Variants in APBB2 observed in about 807,000 individuals in gnomAD.
APBB2 encodes the protein Fe65-like 1.
Under a neutral mutation model 82.5 loss-of-function variants are expected in APBB2, and 38 were observed. The observed-to-expected ratio is 0.46, with a 90% CI of 0.36 to 0.60. The LOEUF is 0.60. Among genes scored for constraint, APBB2 ranks in the 20% least tolerant of loss-of-function variants. The probability of loss-of-function intolerance (pLI) is 0.00; values close to 1 mark genes in which losing one functional copy is unlikely to be tolerated. For missense variants in APBB2, 772 were observed against 972.3 expected (o/e 0.79, Z 2.74); for synonymous variants, 341 against 368.2 (o/e 0.93, Z 0.85).
At chr4:41,083,261 T>C (rs1462996353) in intron 3 of APBB2, among the ~76,000 whole-genome samples, 4 of 152,128 alleles carry the variant, frequency 2.6e-5, no homozygotes, top group African/African-American at 9.7e-5. Flanking sequence ...GTAGTATGTA[T>C]GCTATAGCTA....
chr4:41,069,571 A>C (rs1456064870), intron 3 of APBB2, among the ~76,000 whole-genome samples: 1 of 152,230 alleles, frequency 6.6e-6, no homozygotes, highest in Non-Finnish European at 1.5e-5. Context: ...TGCTATCTGC[A>C]CTGAAGTCAG....
intron 10 of APBB2, among the ~76,000 whole-genome samples, chr4:40,909,575 A>AT (rs1380298815): frequency 1.3e-5 from 2 of 152,174 alleles, no homozygotes; most frequent in Non-Finnish European, 2.9e-5. Context: ...TATGAGTCCT[A>AT]TTTTTATCAA....
At chr4:41,058,609 G>C (rs1234767799) in intron 4 of APBB2, among the ~76,000 whole-genome samples, 2 of 152,174 alleles carry the variant, frequency 1.3e-5, no homozygotes, top group African/African-American at 4.8e-5. Context: ...GGTAGCCACG[G>C]ATAAGACTAT....
chr4:40,914,574 A>G (rs1480077209), intron 10 of APBB2, among the ~76,000 whole-genome samples: 1 of 152,158 alleles, frequency 6.6e-6, no homozygotes, highest in Admixed American at 6.5e-5. Flanking sequence ...ACATAGGTAG[A>G]TAGACAGACA....
Position 40,826,097 on chromosome 4 carries a change from G to T in APBB2, c.1733-127C>A. ...GCCATAACGCCCTATGTTTCTGGAT[G>T]TAAATGTAACAACTATTCTACAAGA... is the stretch of plus-strand genomic sequence containing the variant. On this transcript the variant is annotated intron_variant, in intron 14 of 17. Coordinates refer to ENST00000508593, the MANE Select transcript of APBB2 (RefSeq NM_004307.2). The surrounding 1 kb of genome is among the most constrained non-coding windows in gnomAD (Gnocchi z 4.5). The T allele has an allele frequency of 1.4e-6, 1 of 723,796 alleles. No homozygotes were observed. Among genetic ancestry groups the T allele is most frequent in the South Asian group, 1.6e-5 (1 of 64,448 alleles). The allele number at this position is 723,796 out of a possible 1,614,324, so 44.8% of individuals were successfully genotyped here.
intron 12 of APBB2, among the ~76,000 whole-genome samples, chr4:40,889,763 G>A (rs6837256): frequency 0.035 from 5,361 of 152,198 alleles, 312 homozygotes; most frequent in African/African-American, 0.12. Flanking sequence ...CATCTAAGAT[G>A]CATTTCTTAT....
chr4:40,994,887 A>G (rs1803204552), intron 6 of APBB2, among the ~76,000 whole-genome samples: 1 of 151,466 alleles, frequency 6.6e-6, no homozygotes, highest in Non-Finnish European at 1.5e-5. Context: ...GGAGGGAAGG[A>G]GGGAAAGAAA....
chr4:41,214,272 G>A lies in APBB2; in HGVS notation c.-417+133C>T, dbSNP rs2154085069. 2.0e-5 allele frequency: 3 copies of A among 152,350 alleles called. No individual in the cohort carries two copies. In the East Asian group the frequency reaches 5.8e-4, roughly 30 times the overall value. 9.4% of individuals were successfully genotyped at this position (152,350 alleles called of 1,614,324 possible). On this transcript the variant is annotated intron_variant, in intron 1 of 17. Transcript: ENST00000508593. ...CAGTGGCCGCGGAGCCCCGGGGCCGGGAGCAGAGGAGAAGCCGCCGGGGGA... is the reference window on the plus strand; with the variant it reads ...CAGTGGCCGCGGAGCCCCGGGGCCGAGAGCAGAGGAGAAGCCGCCGGGGGA...
intron 1 of APBB2, among the ~76,000 whole-genome samples, chr4:41,188,451 G>C (rs1580723297): frequency 6.6e-6 from 1 of 152,192 alleles, no homozygotes; most frequent in East Asian, 1.9e-4. Context: ...AGATCACGAG[G>C]GTACAGCCCT....
chr4:40,992,650 T>A (rs371777181), intron 6 of APBB2, among the ~76,000 whole-genome samples: 85 of 152,108 alleles, frequency 5.6e-4, no homozygotes, highest in African/African-American at 1.9e-3. Context: ...AATGACTGGA[T>A]GGAAACGCTG....
At position 40,940,084 on chromosome 4, in the gene APBB2, C is replaced by T. The variant is rs570026524; in HGVS notation, c.1044+4781G>A. On this transcript the variant is annotated intron_variant, in intron 7 of 17. Transcript: ENST00000508593. ...TTAATGAATGTCGTCATGTACTGGG[C>T]CCTGTGCACAGGATGAGGAGAACAG... 8.4e-4 allele frequency among the ~76,000 whole-genome samples: 128 copies of T among 151,998 alleles called. 1 individual carries two copies. The highest frequency in any genetic ancestry group is 1.1e-3 in the Non-Finnish European group (72 of 67,922).
At chr4:40,948,400 G>A (rs569220136) in intron 6 of APBB2, among the ~76,000 whole-genome samples, 22 of 152,066 alleles carry the variant, frequency 1.4e-4, no homozygotes, top group Non-Finnish European at 2.8e-4. Context: ...GCGAGGCCCC[G>A]TGTCTACCAA....
chr4:41,186,508 AT>A (rs1432456115), intron 1 of APBB2, among the ~76,000 whole-genome samples: 1 of 152,192 alleles, frequency 6.6e-6, no homozygotes, highest in Non-Finnish European at 1.5e-5. Flanking sequence ...CAAAAATACA[AT>A]GTGTCAACCC....
At chr4:40,934,913 AC>A in intron 8 of APBB2, 163 bp downstream of exon 8, 2 of 698,754 alleles carry the variant, frequency 2.9e-6, no homozygotes, top group Non-Finnish European at 4.7e-6. Context: ...AATGGGAGAC[AC>A]CAAAAAAAGG....
chr4:40,972,065 C>A (rs1260899769), intron 6 of APBB2, among the ~76,000 whole-genome samples: 4 of 152,146 alleles, frequency 2.6e-5, no homozygotes, highest in Non-Finnish European at 4.4e-5. Context: ...TAAAAATCCA[C>A]ACTTAGATAA....
At chr4:40,849,661 T>C (rs976866335) in intron 12 of APBB2, among the ~76,000 whole-genome samples, 21 of 151,762 alleles carry the variant, frequency 1.4e-4, no homozygotes, top group African/African-American at 4.8e-4. Context: ...TAGTGTATAA[T>C]GGCAGGAGTT....
chr4:40,999,499 C>A (rs1042263565), intron 6 of APBB2, among the ~76,000 whole-genome samples: 4 of 152,170 alleles, frequency 2.6e-5, no homozygotes, highest in African/African-American at 9.6e-5. Flanking sequence ...TTATTCTAGG[C>A]ACTAAGGATA....
intron 10 of APBB2, among the ~76,000 whole-genome samples, chr4:40,912,844 A>G (rs529053433): frequency 6.6e-6 from 1 of 152,308 alleles, no homozygotes; most frequent in East Asian, 1.9e-4. Flanking sequence ...TCCCGCTTCT[A>G]TTCCTGCTGA....
intron 1 of APBB2, among the ~76,000 whole-genome samples, chr4:41,196,599 CTTT>C: frequency 5.0e-5 from 5 of 100,352 alleles, no homozygotes; most frequent in African/African-American, 1.7e-4. Context: ...AAGCCCCCTG[CTTT>C]TTTTTTTTTT....
Sources: gnomAD v4.1 joint callset for allele counts (sites outside exome capture counted in the v4.1 genomes callset) on GRCh38, gnomAD v4.1.1 for gene constraint, Gnocchi (gnomAD v3.1) non-coding constraint, MANE v1.5 for transcripts, NCBI Gene and HGNC (gene_info 2026-07-23, HGNC 2026-07-21) for gene names.